Variants in SLC35F3 observed in about 807,000 individuals in gnomAD.
SLC35F3 encodes solute carrier family 35 member F3, also known as putative thiamine transporter SLC35F3.
In SLC35F3, 25 loss-of-function variants were observed where a neutral mutation model predicts 49.9. That is an observed-to-expected ratio of 0.50 (90% CI 0.37 to 0.70). SLC35F3 has a LOEUF of 0.70. Among genes scored for constraint, SLC35F3 ranks in the 30% least tolerant of loss-of-function variants. The pLI, the probability that SLC35F3 is intolerant of heterozygous loss-of-function variation, is 0.00. For missense variants in SLC35F3, 525 were observed against 639.8 expected, an observed-to-expected ratio of 0.82 and a Z score of 1.94; for synonymous variants, 275 against 265.4, an observed-to-expected ratio of 1.04 and a Z score of -0.35.
chr1:234,310,651 C>T (rs769106102), intron 4 of SLC35F3, among the ~76,000 whole-genome samples: 17 of 152,210 alleles, frequency 1.1e-4, no homozygotes, highest in Non-Finnish European at 1.8e-4. Context: ...CACCCATGTC[C>T]TTCCTGACTT....
chr1:233,965,495 CATG>C (rs1662888986), intron 2 of SLC35F3, among the ~76,000 whole-genome samples: 2 of 152,190 alleles, frequency 1.3e-5, no homozygotes, highest in African/African-American at 4.8e-5. Flanking sequence ...TGGTTGCCAA[CATG>C]AGAGACTCTC....
At chr1:234,078,473 G>A (rs531166536) in intron 2 of SLC35F3, among the ~76,000 whole-genome samples, 3 of 152,228 alleles carry the variant, frequency 2.0e-5, no homozygotes, top group South Asian at 4.1e-4. Context: ...TCAGTCTTCA[G>A]TGAACTCATC....
intron 2 of SLC35F3, among the ~76,000 whole-genome samples, chr1:233,925,845 G>A (rs1462716271): frequency 6.6e-6 from 1 of 152,074 alleles, no homozygotes; most frequent in Non-Finnish European, 1.5e-5. Flanking sequence ...CAAAATCTCT[G>A]AGCATTTGCT....
At chr1:234,125,833 A>G (rs1469204770) in intron 2 of SLC35F3, among the ~76,000 whole-genome samples, 2 of 151,970 alleles carry the variant, frequency 1.3e-5, no homozygotes, top group Non-Finnish European at 2.9e-5. Context: ...CTCCATTTTC[A>G]TCTTGCACCA....
At chr1:233,933,035 T>TAAAAAAAAAAAAA (rs59669736) in intron 2 of SLC35F3, among the ~76,000 whole-genome samples, 1 of 134,944 alleles carries the variant, frequency 7.4e-6, no homozygotes, top group African/African-American at 2.8e-5. Flanking sequence ...GCTATTTAAG[T>TAAAAAAAAAAAAA]AAAAAAAAAA....
chr1:234,263,335 G>C (rs1184825355), intron 3 of SLC35F3, among the ~76,000 whole-genome samples: 1 of 152,104 alleles, frequency 6.6e-6, no homozygotes, highest in Non-Finnish European at 1.5e-5. Flanking sequence ...TGTTAAAGGA[G>C]TACAGGAATT....
intron 2 of SLC35F3, among the ~76,000 whole-genome samples, chr1:234,173,540 A>C (rs1055013263): frequency 3.9e-5 from 6 of 152,058 alleles, no homozygotes; most frequent in Non-Finnish European, 5.9e-5. Flanking sequence ...GGAACTAATA[A>C]CCTCTGGGGT....
chr1:234,141,073 C>T (rs1293536819), intron 2 of SLC35F3, among the ~76,000 whole-genome samples: 1 of 152,172 alleles, frequency 6.6e-6, no homozygotes, highest in Non-Finnish European at 1.5e-5. Context: ...GAACAAAGAT[C>T]ATTTTTCAAA....
At chr1:234,310,582 C>A (rs1156961978) in intron 4 of SLC35F3, among the ~76,000 whole-genome samples, 1 of 152,218 alleles carries the variant, frequency 6.6e-6, no homozygotes, top group African/African-American at 2.4e-5. Flanking sequence ...CAGTGAGCCA[C>A]CCAGCAGGCT....
intron 3 of SLC35F3, among the ~76,000 whole-genome samples, chr1:234,246,852 C>G (rs1449189056): frequency 6.6e-6 from 1 of 152,202 alleles, no homozygotes; most frequent in African/African-American, 2.4e-5. Context: ...GTTGAGTGCT[C>G]TGAGAATTGG....
At chr1:234,234,209 T>C (rs1667428044) in intron 3 of SLC35F3, among the ~76,000 whole-genome samples, 1 of 152,206 alleles carries the variant, frequency 6.6e-6, no homozygotes, top group African/African-American at 2.4e-5. Context: ...TAAAAGTGTT[T>C]AGCAGGGAGC....
At chr1:234,185,345 A>G (rs1284730815) in intron 2 of SLC35F3, among the ~76,000 whole-genome samples, 1 of 152,244 alleles carries the variant, frequency 6.6e-6, no homozygotes, top group Non-Finnish European at 1.5e-5. Flanking sequence ...AGCCAATCGC[A>G]TTGCTCAGCT....
intron 2 of SLC35F3, among the ~76,000 whole-genome samples, chr1:234,128,732 A>G (rs1391720577): frequency 1.3e-5 from 2 of 152,236 alleles, no homozygotes; most frequent in Non-Finnish European, 2.9e-5. Flanking sequence ...CCTTGGTGCT[A>G]TGATGTAGGA....
chr1:234,152,227 G>GTTATTATTATTA (rs61307533), intron 2 of SLC35F3, among the ~76,000 whole-genome samples: 1,793 of 144,568 alleles, frequency 0.012, 36 homozygotes, highest in African/African-American at 0.045. Context: ...TATTATTATT[G>GTTATTATTATTA]TTATTATTAT....
At chr1:233,928,837 T>G (rs940955324) in intron 2 of SLC35F3, among the ~76,000 whole-genome samples, 4 of 152,174 alleles carry the variant, frequency 2.6e-5, no homozygotes, top group African/African-American at 9.7e-5. Context: ...GCTGTTACTG[T>G]GTAATGCTTC....
chr1:233,913,529 C>A (rs947768784), intron 2 of SLC35F3, among the ~76,000 whole-genome samples: 2 of 152,210 alleles, frequency 1.3e-5, no homozygotes, highest in African/African-American at 4.8e-5. Flanking sequence ...TGTGTCTCCA[C>A]CCCTCACTGT....
intron 2 of SLC35F3, among the ~76,000 whole-genome samples, chr1:234,071,097 G>T (rs1664706978): frequency 6.6e-6 from 1 of 152,186 alleles, no homozygotes; most frequent in Admixed American, 6.5e-5. Flanking sequence ...CAAAGGAGTT[G>T]TCCCTCCTCT....
chr1:234,153,575 A>G (rs1666105529), intron 2 of SLC35F3, among the ~76,000 whole-genome samples: 1 of 152,244 alleles, frequency 6.6e-6, no homozygotes, highest in Non-Finnish European at 1.5e-5. Flanking sequence ...TGAGTAACAT[A>G]AAACAAATGA....
At chr1:233,982,291 T>G (rs1418323395) in intron 2 of SLC35F3, among the ~76,000 whole-genome samples, 1 of 152,234 alleles carries the variant, frequency 6.6e-6, no homozygotes, top group Non-Finnish European at 1.5e-5. Flanking sequence ...AACTGTACTA[T>G]CAGTCCACGT....
Sources: gnomAD v4.1 joint callset for allele counts (sites outside exome capture counted in the v4.1 genomes callset) on GRCh38, gnomAD v4.1.1 for gene constraint, MANE v1.5 for transcripts, NCBI Gene and HGNC (gene_info 2026-07-23, HGNC 2026-07-21) for gene names.